Variants in OPHN1 observed in about 807,000 individuals in gnomAD.
OPHN1 encodes oligophrenin 1.
A neutral mutation model predicts 60.7 loss-of-function variants in OPHN1; 11 were observed. The observed-to-expected ratio is 0.18, with a 90% CI of 0.11 to 0.30. OPHN1 has a LOEUF of 0.30. Among genes scored for constraint, OPHN1 ranks in the 10% least tolerant of loss-of-function variants. OPHN1 has a pLI of 1.00. For synonymous variants in OPHN1, 226 were observed against 222.6 expected, an observed-to-expected ratio of 1.02 and a Z score of -0.14; for missense variants, 449 against 611.0, an observed-to-expected ratio of 0.73 and a Z score of 2.80.
intron 5 of OPHN1, among the ~76,000 whole-genome samples, chrX:68,264,645 G>A (rs2077913068): frequency 8.9e-6 from 1 of 111,992 alleles, no homozygotes; most frequent in South Asian, 3.7e-4. Context: ...CTGAGGTACT[G>A]GGTTCATCTC....
At position 68,289,108 on chromosome X, in the gene OPHN1, G is replaced by A. The variant is rs889906451; in HGVS notation, c.251-5991C>T. On this transcript the variant is annotated intron_variant, in intron 3 of 24. Coordinates refer to ENST00000355520, the MANE Select transcript of OPHN1 (RefSeq NM_002547.3). ...GGACTAAGAAAATTGGCTAAGAAAT[G>A]GAAGAAAACAGCCCTGCATAACCAT... Among the ~76,000 whole-genome samples, 3 of 110,779 alleles carry A rather than the reference G, an allele frequency of 2.7e-5. No individual in the cohort carries two copies. In the Admixed American group the frequency reaches 2.9e-4, roughly 11 times the overall value.
At chrX:68,104,819 T>C (rs1295343456) in intron 18 of OPHN1, among the ~76,000 whole-genome samples, 3 of 111,952 alleles carry the variant, frequency 2.7e-5, no homozygotes, top group African/African-American at 9.8e-5. Flanking sequence ...GGGGATCTAA[T>C]TAAACTAAAG....
chrX:68,186,310 G>C (rs774708057), intron 15 of OPHN1, among the ~76,000 whole-genome samples: 1 of 110,751 alleles, frequency 9.0e-6, no homozygotes, highest in African/African-American at 3.3e-5. Flanking sequence ...GAGATGCTCA[G>C]GGCATAGTTC....
In OPHN1 at chrX:68,387,124, T is replaced by C. The variant is rs1481636084; in HGVS notation, c.154+45743A>G. Among the ~76,000 whole-genome samples, 23 of 111,205 alleles carry C rather than the reference T, an allele frequency of 2.1e-4. No individual in the cohort carries two copies. The Admixed American group carries it at 2.2e-3, about 11-fold the overall frequency. On this transcript the variant is annotated intron_variant, in intron 2 of 24. Coordinates refer to ENST00000355520, the MANE Select transcript of OPHN1 (RefSeq NM_002547.3). ...GTTTTATTCATTTCAAATAGGCATC[T>C]CAAATTTATGTCCAAACAAAACTCA... is the stretch of plus-strand genomic sequence containing the variant.
chrX:68,364,072 G>A (rs2078486853), intron 2 of OPHN1, among the ~76,000 whole-genome samples: 2 of 111,827 alleles, frequency 1.8e-5, no homozygotes, highest in Admixed American at 1.9e-4. Context: ...TATGCTGTAC[G>A]AGAGACTGGA....
At chrX:68,071,744 T>C in intron 20 of OPHN1, 2 of 477,440 alleles carry the variant, frequency 4.2e-6, no homozygotes, top group Non-Finnish European at 7.6e-6. Context: ...GTTTGTCCAA[T>C]GTCAGCTTGT....
intron 19 of OPHN1, among the ~76,000 whole-genome samples, chrX:68,094,924 C>G (rs968415768): frequency 9.0e-6 from 1 of 111,073 alleles, no homozygotes; most frequent in Non-Finnish European, 1.9e-5. Flanking sequence ...GTGAATGAAT[C>G]ATTCCTCTAC....
intron 2 of OPHN1, among the ~76,000 whole-genome samples, chrX:68,334,262 C>G (rs2078311180): frequency 1.8e-5 from 2 of 111,360 alleles, no homozygotes. Context: ...TTCTGTAAAA[C>G]CACTAATTTT....
At chrX:68,372,458 C>G (rs2078534184) in intron 2 of OPHN1, among the ~76,000 whole-genome samples, 1 of 111,410 alleles carries the variant, frequency 9.0e-6, no homozygotes. Context: ...CTCTTGACCA[C>G]TGTGTACCCC....
intron 6 of OPHN1, among the ~76,000 whole-genome samples, chrX:68,228,794 C>A (rs775339335): frequency 9.0e-6 from 1 of 111,153 alleles, no homozygotes; most frequent in South Asian, 3.8e-4. Flanking sequence ...GGCAAACCCA[C>A]AGCCAATATC....
At chrX:68,397,948 C>T (rs1216005270) in intron 2 of OPHN1, among the ~76,000 whole-genome samples, 1 of 110,854 alleles carries the variant, frequency 9.0e-6, no homozygotes, top group Non-Finnish European at 1.9e-5. Flanking sequence ...CTCCTCCCAT[C>T]GTCCCTTAAC....
chrX:68,185,522 T>A (rs1169197216), intron 15 of OPHN1, among the ~76,000 whole-genome samples: 1 of 111,578 alleles, frequency 9.0e-6, no homozygotes, highest in African/African-American at 3.3e-5. Flanking sequence ...TAGGGAAGAC[T>A]AGTCTTTCAT....
At chrX:68,257,577 GA>G (rs58257842) in intron 5 of OPHN1, among the ~76,000 whole-genome samples, 3 of 109,451 alleles carry the variant, frequency 2.7e-5, no homozygotes, top group South Asian at 3.9e-4. Flanking sequence ...AGCAGGTACT[GA>G]AAAAAAAATA....
intron 9 of OPHN1, among the ~76,000 whole-genome samples, chrX:68,209,802 A>G (rs1045570887): frequency 9.0e-6 from 1 of 111,571 alleles, no homozygotes; most frequent in African/African-American, 3.3e-5. Context: ...ACTTAGCACC[A>G]TGTCTGGTAC....
At chrX:68,292,026 T>C (rs1240648981) in intron 3 of OPHN1, among the ~76,000 whole-genome samples, 1 of 111,837 alleles carries the variant, frequency 8.9e-6, no homozygotes, top group Non-Finnish European at 1.9e-5. Context: ...AATTGAATGC[T>C]ATACAGGAAG....
At chrX:68,416,047 TATATATATATATATATATATAGAG>T (rs1293696561) in intron 2 of OPHN1, among the ~76,000 whole-genome samples, 2 of 32,484 alleles carry the variant, frequency 6.2e-5, no homozygotes, top group African/African-American at 2.4e-4. Context: ...TATATATATA[TATATATATATATATATATATAGAG>T]AGAGAGAGAG....
At chrX:68,206,734 C>T in intron 9 of OPHN1, 61 bp from the exon 10 acceptor site, 1 of 870,435 alleles carries the variant, frequency 1.1e-6, no homozygotes, top group Non-Finnish European at 1.7e-6. Context: ...AGGAAGTCAA[C>T]CCTAAGATGG....
intron 15 of OPHN1, among the ~76,000 whole-genome samples, chrX:68,149,741 C>T (rs990110566): frequency 3.6e-5 from 4 of 110,213 alleles, no homozygotes; most frequent in Admixed American, 2.9e-4. Flanking sequence ...TTTCATGGTT[C>T]CTCGAAAACT....
intron 5 of OPHN1, among the ~76,000 whole-genome samples, chrX:68,258,266 T>A (rs1370629234): frequency 1.8e-5 from 2 of 110,312 alleles, no homozygotes; most frequent in African/African-American, 6.6e-5. Context: ...ATTTTTTTAT[T>A]TATTTAAGTT....
Sources: gnomAD v4.1 joint callset for allele counts (sites outside exome capture counted in the v4.1 genomes callset) on GRCh38, gnomAD v4.1.1 for gene constraint, MANE v1.5 for transcripts, NCBI Gene and HGNC (gene_info 2026-07-23, HGNC 2026-07-21) for gene names.